Variants in ZNF98 observed in about 807,000 individuals in gnomAD.
ZNF98 encodes zinc finger protein 739.
Under a neutral mutation model 12.8 loss-of-function variants are expected in ZNF98, and 8 were observed. That is an observed-to-expected ratio of 0.63 (90% CI 0.37 to 1.13). The LOEUF is 1.13. Among genes scored for constraint, ZNF98 ranks in the 50% most tolerant of loss-of-function variants. ZNF98 has a pLI of 0.01. For synonymous variants in ZNF98, 112 were observed against 223.5 expected, an observed-to-expected ratio of 0.50 and a Z score of 4.45; for missense variants, 379 against 666.1, an observed-to-expected ratio of 0.57 and a Z score of 4.74.
intron 1 of ZNF98, among the ~76,000 whole-genome samples, chr19:22,417,229 C>CAAAAAA (rs57152900): frequency 4.4e-4 from 20 of 45,446 alleles, no homozygotes; most frequent in African/African-American, 1.7e-3. Context: ...AACTCCATCT[C>CAAAAAA]AAAAAAAAAA....
At chr19:22,412,625 G>GCGGC (rs1568295778) in intron 1 of ZNF98, among the ~76,000 whole-genome samples, 1 of 142,518 alleles carries the variant, frequency 7.0e-6, no homozygotes, top group African/African-American at 2.6e-5. Flanking sequence ...ATCAAGAATT[G>GCGGC]CAGGAGTAAA....
At chr19:22,407,436 G>A (rs1034153710) in intron 1 of ZNF98, among the ~76,000 whole-genome samples, 6 of 149,444 alleles carry the variant, frequency 4.0e-5, no homozygotes, top group African/African-American at 1.5e-4. Context: ...TTTCTCGGCT[G>A]GGCACGGTGG....
chr19:22,405,269 T>A (rs1329785503), intron 1 of ZNF98, among the ~76,000 whole-genome samples: 2 of 123,598 alleles, frequency 1.6e-5, no homozygotes, highest in African/African-American at 3.1e-5. Flanking sequence ...CATGCTTAGC[T>A]AAAAAAAAAA....
At chr19:22,403,268 A>C (rs1211337495) in intron 2 of ZNF98, 118 bp downstream of exon 2, 20 of 1,305,208 alleles carry the variant, frequency 1.5e-5, no homozygotes, top group South Asian at 8.8e-5. Context: ...TAAAAAAAAA[A>C]AACAAAAAAA....
At chr19:22,416,826 C>T (rs1969649398) in intron 1 of ZNF98, among the ~76,000 whole-genome samples, 1 of 150,716 alleles carries the variant, frequency 6.6e-6, no homozygotes, top group African/African-American at 2.4e-5. Context: ...CACACACATA[C>T]ACACACACAC....
intron 1 of ZNF98, among the ~76,000 whole-genome samples, chr19:22,420,677 A>C (rs1969693953): frequency 6.6e-6 from 1 of 152,024 alleles, no homozygotes; most frequent in Non-Finnish European, 1.5e-5. Context: ...TTCACTAGAT[A>C]CTCTAGCAGA....
At chr19:22,411,067 G>T (rs1222706884) in intron 1 of ZNF98, among the ~76,000 whole-genome samples, 1 of 151,822 alleles carries the variant, frequency 6.6e-6, no homozygotes, top group Non-Finnish European at 1.5e-5. Context: ...TTTACTTATT[G>T]AGTCTCGCTC....
intron 1 of ZNF98, among the ~76,000 whole-genome samples, chr19:22,415,931 T>TA (rs35543907): frequency 0.019 from 1,875 of 96,758 alleles, 110 homozygotes; most frequent in African/African-American, 0.072. Context: ...CGTTCCTACT[T>TA]AAAAAAAAAA....
intron 3 of ZNF98, among the ~76,000 whole-genome samples, chr19:22,397,477 T>C (rs1380111456): frequency 6.6e-6 from 1 of 152,186 alleles, no homozygotes. Flanking sequence ...TAATACAACA[T>C]TTTCCTTCAT....
chr19:22,417,161 G>T (rs12971375), intron 1 of ZNF98, among the ~76,000 whole-genome samples: 1 of 146,956 alleles, frequency 6.8e-6, no homozygotes, highest in African/African-American at 2.5e-5. Context: ...CCCAGGAAGC[G>T]GAGGTTGCGG....
At chr19:22,405,991 G>A (rs1969514580) in intron 1 of ZNF98, among the ~76,000 whole-genome samples, 1 of 152,260 alleles carries the variant, frequency 6.6e-6, no homozygotes, top group Non-Finnish European at 1.5e-5. Context: ...AGTCCCTAAG[G>A]GGAGAAGTGA....
intron 1 of ZNF98, among the ~76,000 whole-genome samples, chr19:22,421,711 TAGCTGGG>T (rs1391819738): frequency 1.3e-5 from 2 of 152,208 alleles, no homozygotes; most frequent in African/African-American, 4.8e-5. Flanking sequence ...CTACAACCCA[TAGCTGGG>T]AGCTCTACAA....
At chr19:22,420,300 T>C (rs958146313) in intron 1 of ZNF98, among the ~76,000 whole-genome samples, 1 of 152,232 alleles carries the variant, frequency 6.6e-6, no homozygotes, top group Admixed American at 6.5e-5. Flanking sequence ...CAGTGCACTA[T>C]GCTCAAGTGA....
chr19:22,391,964 T>C lies in ZNF98; in HGVS notation c.1271A>G (p.His424Arg), dbSNP rs1461762757. ...CTTCTCTCCAGTATGAATTCTCTTA[T>C]GTGTAGTAAGGTGTGAGAACCGGCT... ...AFSRFSHLTT[H>R]KRIHTGEKPY... is the part of the protein sequence containing the mutation. Residue 424 changes from histidine to arginine, a missense_variant, in exon 4 of 4, where the codon CAT (histidine) becomes CGT (arginine). By Grantham distance (29) the His-to-Arg change is conservative. Around this residue, in one of 8 missense-constraint regions of ZNF98, gnomAD observed 19 missense variants for 119.7 expected, o/e 0.16. Transcript: ENST00000357774. The C allele has an allele frequency of 1.0e-5, 16 of 1,568,542 alleles. No homozygotes were observed. Among genetic ancestry groups the C allele is most frequent in the East Asian group, 2.3e-5 (1 of 42,708 alleles).
intron 1 of ZNF98, among the ~76,000 whole-genome samples, chr19:22,407,643 C>T (rs765571100): frequency 3.3e-5 from 5 of 151,682 alleles, no homozygotes; most frequent in African/African-American, 7.2e-5. Flanking sequence ...ACCCGGGAGG[C>T]GGAGGTTGCA....
At chr19:22,412,430 G>A (rs1053083599) in intron 1 of ZNF98, among the ~76,000 whole-genome samples, 1 of 152,100 alleles carries the variant, frequency 6.6e-6, no homozygotes, top group African/African-American at 2.4e-5. Flanking sequence ...GGCAGTGTTA[G>A]GAGAAAAATT....
chr19:22,396,918 C>T (rs1401404237), intron 3 of ZNF98, among the ~76,000 whole-genome samples: 11 of 152,078 alleles, frequency 7.2e-5, no homozygotes, highest in Middle Eastern at 6.8e-3. Flanking sequence ...GTCAGGAGTT[C>T]GAGACTGGCC....
chr19:22,411,343 T>C (rs1489854484), intron 1 of ZNF98, among the ~76,000 whole-genome samples: 1 of 152,180 alleles, frequency 6.6e-6, no homozygotes, highest in Admixed American at 6.6e-5. Context: ...AGCCCTTGCT[T>C]TTGCATTGTA....
intron 2 of ZNF98, 139 bp from the exon 3 acceptor site, chr19:22,403,023 A>G (rs1319759799): frequency 3.0e-5 from 19 of 640,256 alleles, no homozygotes; most frequent in Non-Finnish European, 4.5e-5. Context: ...AATTTTAAAT[A>G]TTTAGGAAAT....
Sources: allele counts gnomAD v4.1 joint callset (sites outside exome capture counted in the v4.1 genomes callset), GRCh38; gene constraint gnomAD v4.1.1; regional missense constraint gnomAD v4.1.1; transcripts MANE v1.5; gene names NCBI Gene and HGNC (gene_info 2026-07-23, HGNC 2026-07-21).